Variants in RNF185 observed in about 807,000 individuals in gnomAD.
RNF185 encodes the protein E3 ubiquitin-protein ligase RNF185.
Under a neutral mutation model 24.9 loss-of-function variants are expected in RNF185, and 13 were observed. The ratio of observed to expected loss-of-function variants is 0.52; its 90% CI spans 0.34 to 0.83. The LOEUF (loss-of-function observed/expected upper bound fraction) is 0.83. RNF185 is among the 40% of genes least tolerant of loss of function. The pLI is 0.01. For missense variants in RNF185, 184 were observed against 244.7 expected (o/e 0.75, Z 1.65); for synonymous variants, 79 against 90.3 (o/e 0.88, Z 0.71).
intron 2 of RNF185, among the ~76,000 whole-genome samples, chr22:31,191,648 C>T (rs775547936): frequency 6.6e-6 from 1 of 152,014 alleles, no homozygotes; most frequent in Admixed American, 6.5e-5. Flanking sequence ...CTGACTAACA[C>T]GGTGAAACCC....
chr22:31,184,477 G>T lies in RNF185; in HGVS notation c.-48-2570G>T, dbSNP rs554114954. On this transcript the variant is annotated intron_variant, in intron 1 of 6. Coordinates refer to ENST00000326132, the MANE Select transcript of RNF185 (RefSeq NM_152267.4). ...GCTCCTCACATCCCAGACGATGGGCGGCCAGGCAGAGACGCTCCTCACTTC... is the reference window on the plus strand; with the variant it reads ...GCTCCTCACATCCCAGACGATGGGCTGCCAGGCAGAGACGCTCCTCACTTC... 7.5e-3 allele frequency among the ~76,000 whole-genome samples: 1,146 copies of T among 151,936 alleles called. 17 individuals are homozygous for T. Among genetic ancestry groups the T allele is most frequent in the African/African-American group, 0.026 (1,092 of 41,458 alleles).
At chr22:31,166,932 G>C (rs1923960048) in intron 1 of RNF185, among the ~76,000 whole-genome samples, 1 of 152,170 alleles carries the variant, frequency 6.6e-6, no homozygotes, top group East Asian at 1.9e-4. Context: ...TTACAGGCGT[G>C]AGCCACCACA....
intron 1 of RNF185, among the ~76,000 whole-genome samples, chr22:31,167,929 T>C (rs1924031821): frequency 6.6e-6 from 1 of 152,168 alleles, no homozygotes; most frequent in Non-Finnish European, 1.5e-5. Flanking sequence ...TTTTAAATTG[T>C]AGTGAAATTC....
chr22:31,200,975 A>G (rs908598142), intron 5 of RNF185, among the ~76,000 whole-genome samples: 1 of 152,238 alleles, frequency 6.6e-6, no homozygotes, highest in African/African-American at 2.4e-5. Flanking sequence ...GTTCAGTGTT[A>G]CCGCTTAAGT....
chr22:31,195,636 T>G, intron 4 of RNF185, 55 bp downstream of exon 4: 5 of 1,122,454 alleles, frequency 4.5e-6, no homozygotes, highest in Non-Finnish European at 6.6e-6. Context: ...GTGAATTCAC[T>G]CCCATTCAGC....
Position 31,204,497 on chromosome 22 carries a change from G to A in RNF185, c.490G>A (p.Gly164Arg). The change falls in exon 7 of 7, where the codon GGG (glycine) becomes AGG (arginine). Residue 164 changes from glycine to arginine, a missense_variant. Gly to Arg is a moderately radical substitution (Grantham distance 125). Transcript: ENST00000326132. Reference protein sequence around the residue: ...NDGRPPPAVPGTPQYVDEQFL... With the variant: ...NDGRPPPAVPRTPQYVDEQFL... ...CCTTTCTGTCTCTCCAGCTGTCCCTGGGACACCCCAGTATGTGGACGAGCA... is the reference window on the plus strand; with the variant it reads ...CCTTTCTGTCTCTCCAGCTGTCCCTAGGACACCCCAGTATGTGGACGAGCA... 1.2e-6 allele frequency: 2 copies of A among 1,608,284 alleles called. No homozygotes were observed. Among genetic ancestry groups the A allele is most frequent in the East Asian group, 4.5e-5 (2 of 44,846 alleles).
At chr22:31,204,338 A>G in intron 6 of RNF185, 151 bp from the exon 7 acceptor site, 1 of 570,476 alleles carries the variant, frequency 1.8e-6, no homozygotes, top group East Asian at 3.4e-5. Flanking sequence ...GCGAGACTAC[A>G]TTTCAAAAAA....
At chr22:31,164,679 C>G (rs531848040) in intron 1 of RNF185, among the ~76,000 whole-genome samples, 7 of 150,308 alleles carry the variant, frequency 4.7e-5, no homozygotes, top group African/African-American at 1.7e-4. Flanking sequence ...ACCCCCCTCC[C>G]GGGTTCAAGC....
chr22:31,165,195 G>T (rs940091826), intron 1 of RNF185, among the ~76,000 whole-genome samples: 1 of 152,170 alleles, frequency 6.6e-6, no homozygotes, highest in African/African-American at 2.4e-5. Flanking sequence ...TGGGATTACA[G>T]GTGTGAGCCA....
At chr22:31,172,748 CAAAAAA>C (rs35573590) in intron 1 of RNF185, among the ~76,000 whole-genome samples, 87 of 97,712 alleles carry the variant, frequency 8.9e-4, no homozygotes, top group Non-Finnish European at 1.5e-3. Context: ...GACCCCGTCT[CAAAAAA>C]AAAAAAAAAA....
intron 1 of RNF185, among the ~76,000 whole-genome samples, chr22:31,179,321 G>C (rs748181999): frequency 6.6e-5 from 10 of 152,170 alleles, no homozygotes; most frequent in Non-Finnish European, 1.2e-4. Flanking sequence ...TGGTTCTGTA[G>C]GTGCTCAGTA....
At chr22:31,193,828 A>G (rs536973831) in intron 3 of RNF185, among the ~76,000 whole-genome samples, 1 of 152,154 alleles carries the variant, frequency 6.6e-6, no homozygotes, top group African/African-American at 2.4e-5. Context: ...AAAAAAATCA[A>G]AAACAAGCAA....
intron 2 of RNF185, among the ~76,000 whole-genome samples, chr22:31,190,142 A>G (rs2048142242): frequency 6.6e-6 from 1 of 152,226 alleles, no homozygotes; most frequent in Non-Finnish European, 1.5e-5. Context: ...GTACATAATG[A>G]CATTTTGGTC....
intron 2 of RNF185, among the ~76,000 whole-genome samples, chr22:31,190,229 T>G (rs1184467880): frequency 2.0e-5 from 3 of 152,226 alleles, no homozygotes; most frequent in African/African-American, 7.2e-5. Flanking sequence ...CTAGTGATTT[T>G]AAAATGTTAT....
intron 1 of RNF185, among the ~76,000 whole-genome samples, chr22:31,167,610 C>CTTTTTTTTTTT (rs150121453): frequency 9.3e-6 from 1 of 107,360 alleles, no homozygotes; most frequent in African/African-American, 4.0e-5. Context: ...GGGTTTTTTC[C>CTTTTTTTTTTT]TTTTTTTTTT....
At chr22:31,189,171 T>G (rs375745244) in intron 2 of RNF185, among the ~76,000 whole-genome samples, 5 of 114,226 alleles carry the variant, frequency 4.4e-5, no homozygotes, top group East Asian at 2.5e-4. Flanking sequence ...GTGTTTGTGT[T>G]TGTGTATGTA....
At chr22:31,177,434 A>G (rs1355856040) in intron 1 of RNF185, among the ~76,000 whole-genome samples, 3 of 152,078 alleles carry the variant, frequency 2.0e-5, no homozygotes, top group Admixed American at 6.6e-5. Context: ...TTGAGGGCCA[A>G]ATCTCCATGG....
chr22:31,163,951 G>A (rs1319917349), intron 1 of RNF185, among the ~76,000 whole-genome samples: 1 of 151,838 alleles, frequency 6.6e-6, no homozygotes, highest in Non-Finnish European at 1.5e-5. Flanking sequence ...TGGGATTACA[G>A]GCTTGAGCCA....
intron 1 of RNF185, among the ~76,000 whole-genome samples, chr22:31,184,404 C>T (rs189799145): frequency 0.013 from 2,009 of 151,436 alleles, 18 homozygotes; most frequent in Middle Eastern, 0.027. Flanking sequence ...GGATGACCGC[C>T]GGGGAGAGGC....
Sources: gnomAD v4.1 joint callset for allele counts (sites outside exome capture counted in the v4.1 genomes callset) on GRCh38, gnomAD v4.1.1 for gene constraint, MANE v1.5 for transcripts, NCBI Gene and HGNC (gene_info 2026-07-23, HGNC 2026-07-21) for gene names.